Variants in B3GALNT2 observed in about 807,000 individuals in gnomAD.
B3GALNT2 encodes the protein UDP-GalNAc:beta-1,3-N-acetylgalactosaminyltransferase 2.
Under a neutral mutation model 61.1 loss-of-function variants are expected in B3GALNT2, and 53 were observed. That is an observed-to-expected ratio of 0.87 (90% CI 0.70 to 1.09). The LOEUF (loss-of-function observed/expected upper bound fraction) is 1.09, where lower values mean the gene tolerates loss of function less well. B3GALNT2 is among the 50% of genes least tolerant of loss of function. The pLI is 0.00. For missense variants in B3GALNT2, 544 were observed against 623.0 expected (o/e 0.87, Z 1.35); for synonymous variants, 223 against 237.4 (o/e 0.94, Z 0.56).
intron 8 of B3GALNT2, among the ~76,000 whole-genome samples, chr1:235,457,313 A>T (rs1683214494): frequency 6.6e-6 from 1 of 152,092 alleles, no homozygotes. Flanking sequence ...GGAACAGAAG[A>T]AGGTTTTTAA....
chr1:235,441,930 T>G, the B3GALNT2 span: 1 of 1,528,978 alleles, frequency 6.5e-7, no homozygotes, highest in African/African-American at 1.4e-5. Flanking sequence ...AGTGCTTAGG[T>G]GCTGAAACAG....
At chr1:235,460,998 A>G (rs745406017) in intron 7 of B3GALNT2, among the ~76,000 whole-genome samples, 11 of 151,850 alleles carry the variant, frequency 7.2e-5, no homozygotes, top group Admixed American at 3.3e-4. Context: ...CCCAGATCCT[A>G]CTGATTTAAG....
chr1:235,464,649 G>C (rs1364595327), intron 7 of B3GALNT2: 12 of 152,140 alleles, frequency 7.9e-5, no homozygotes, highest in Admixed American at 7.9e-4. Context: ...AGCTATTCGG[G>C]AGGCTGAAAT....
chr1:235,494,597 C>A, intron 2 of B3GALNT2, 84 bp downstream of exon 2: 3 of 1,424,400 alleles, frequency 2.1e-6, no homozygotes, highest in African/African-American at 2.9e-5. Context: ...GCTGGGACGA[C>A]GGGCACACAC....
intron 6 of B3GALNT2, among the ~76,000 whole-genome samples, chr1:235,466,906 A>AT (rs1327298899): frequency 1.3e-5 from 2 of 152,058 alleles, no homozygotes; most frequent in Admixed American, 6.6e-5. Context: ...TATTTACAGT[A>AT]TTTTTTCTAC....
At chr1:235,475,283 C>T (rs1159853636) in intron 5 of B3GALNT2, among the ~76,000 whole-genome samples, 1 of 151,840 alleles carries the variant, frequency 6.6e-6, no homozygotes, top group Non-Finnish European at 1.5e-5. Flanking sequence ...AGATGTGAGC[C>T]ACCACGCCCA....
At chr1:235,440,241 A>G in the B3GALNT2 span, among the ~76,000 whole-genome samples, 4 of 152,160 alleles carry the variant, frequency 2.6e-5, no homozygotes, top group Non-Finnish European at 5.9e-5. Context: ...GAGTGCTGGG[A>G]TTACAGGCGT....
At chr1:235,454,053 G>A in intron 10 of B3GALNT2, 103 bp downstream of exon 10, 1 of 1,083,460 alleles carries the variant, frequency 9.2e-7, no homozygotes, top group Non-Finnish European at 1.3e-6. Context: ...TACCCAGGCT[G>A]GTCTTGAATT....
chr1:235,446,193 T>G (rs75546057), downstream of B3GALNT2, among the ~76,000 whole-genome samples: 5 of 152,048 alleles, frequency 3.3e-5, no homozygotes, highest in Admixed American at 3.3e-4. Context: ...CTTTTTTTTT[T>G]GAGACGGAGT....
downstream of B3GALNT2, chr1:235,443,070 T>C: frequency 1.4e-6 from 1 of 730,796 alleles, no homozygotes; most frequent in South Asian, 1.7e-5. Flanking sequence ...TCAATCATGC[T>C]AATATCACTC....
intron 3 of B3GALNT2, 65 bp from the exon 4 acceptor site, chr1:235,484,580 T>G: frequency 6.7e-7 from 1 of 1,492,778 alleles, no homozygotes; most frequent in Admixed American, 2.1e-5. Context: ...TAGTAAGAAG[T>G]AGTGAAGTGG....
At chr1:235,491,738 G>C (rs1003315733) in intron 2 of B3GALNT2, among the ~76,000 whole-genome samples, 7 of 151,900 alleles carry the variant, frequency 4.6e-5, no homozygotes, top group African/African-American at 1.5e-4. Context: ...AACAGGTCTC[G>C]TCCTTCCACT....
intron 3 of B3GALNT2, among the ~76,000 whole-genome samples, chr1:235,487,996 G>C (rs963161949): frequency 6.6e-6 from 1 of 152,088 alleles, no homozygotes; most frequent in Admixed American, 6.6e-5. Context: ...ATGTTGCCCA[G>C]GCTGGTTTTG....
At chr1:235,464,336 A>AAT (rs1683582719) in intron 7 of B3GALNT2, 1 of 152,172 alleles carries the variant, frequency 6.6e-6, no homozygotes, top group African/African-American at 2.4e-5. Flanking sequence ...CAACAATAAA[A>AAT]TAATTTTATA....
In B3GALNT2 at chr1:235,484,420, A is replaced by G. The variant is rs1224492494; in HGVS notation, c.457T>C (p.Tyr153His). 6.2e-7 allele frequency: 1 copy of G among 1,614,228 alleles called. No individual in the cohort carries two copies. Among genetic ancestry groups the G allele is most frequent in the Non-Finnish European group, 8.5e-7 (1 of 1,180,026 alleles). Residue 153 changes from tyrosine (Y) to histidine (H), a missense_variant, in exon 4 of 12, where the codon TAC becomes CAC. Tyr to His is a moderately conservative substitution (Grantham distance 83). Transcript: ENST00000366600. ...RVVSVSFRVL[Y>H]PIVITSLGVF... ...CCAAGACTGGTAATAACGATGGGGT[A>G]GAGAACTCGGAAACTCACGCTGACA...
At chr1:235,489,740 T>G (rs1257501000) in intron 2 of B3GALNT2, among the ~76,000 whole-genome samples, 2 of 152,158 alleles carry the variant, frequency 1.3e-5, no homozygotes, top group Non-Finnish European at 2.9e-5. Flanking sequence ...ACTCCTTCCC[T>G]CCACATTACA....
Position 235,448,612 on chromosome 1 carries a change from G to A in B3GALNT2, c.*1594C>T, listed in dbSNP as rs569013040. ...ACGGGGTGGGGGAAGAGTATGTGTA[G>A]CATGCTTTATCGGATCTGTCTTAAT... On this transcript the variant is annotated 3_prime_UTR_variant, in exon 12 of 12. Coordinates refer to ENST00000366600, the MANE Select transcript of B3GALNT2 (RefSeq NM_152490.5). 8.1e-6 allele frequency: 12 copies of A among 1,478,654 alleles called. No individual in the cohort carries two copies. The East Asian group carries it at 2.5e-4, about 31-fold the overall frequency. The allele number at this position is 1,478,654 out of a possible 1,614,324, so 91.6% of individuals were successfully genotyped here.
rs528344695 is a variant in B3GALNT2 at position 235,504,389 on chromosome 1, G to C, written c.-137C>G. ...CCGCCCTCGCGCTCGGCGACGTCTG[G>C]GGGGCTCCTCGCAGCTCCCGGCCCC... On this transcript the variant is annotated 5_prime_UTR_variant, in exon 1 of 12. Coordinates refer to ENST00000366600, the MANE Select transcript of B3GALNT2 (RefSeq NM_152490.5). 9.8e-7 allele frequency: 1 copy of C among 1,018,260 alleles called. No homozygotes were observed. The highest frequency in any genetic ancestry group is 3.5e-5 in the East Asian group (1 of 28,426). 63.1% of individuals were successfully genotyped at this position (1,018,260 alleles called of 1,614,324 possible).
downstream of B3GALNT2, chr1:235,442,703 G>A: frequency 1.4e-6 from 1 of 704,478 alleles, no homozygotes; most frequent in Non-Finnish European, 2.5e-6. Flanking sequence ...ATCCATGGAA[G>A]GATTAATAGA....
Sources: gnomAD v4.1 joint callset for allele counts (sites outside exome capture counted in the v4.1 genomes callset) on GRCh38, gnomAD v4.1.1 for gene constraint, MANE v1.5 for transcripts, NCBI Gene and HGNC (gene_info 2026-07-23, HGNC 2026-07-21) for gene names.